Variants in MORN1 observed in about 807,000 individuals in gnomAD.
MORN1 encodes MORN repeat containing 1, also known as MORN repeat-containing protein 1.
In MORN1, 67 loss-of-function variants were observed where a neutral mutation model predicts 61.9. That is an observed-to-expected ratio of 1.08 (90% CI 0.89 to 1.33). MORN1 has a LOEUF of 1.33. MORN1 is among the 40% of genes most tolerant of loss of function. The probability of loss-of-function intolerance (pLI) is 0.00; values close to 1 mark genes in which losing one functional copy is unlikely to be tolerated. For synonymous variants in MORN1, 301 were observed against 292.0 expected (o/e 1.03, Z -0.31); for missense variants, 752 against 691.2 (o/e 1.09, Z -0.99).
intron 12 of MORN1, chr1:2,332,580 GACCT>G: frequency 2.2e-6 from 1 of 456,470 alleles, no homozygotes; most frequent in Non-Finnish European, 4.4e-6. Context: ...GGGCACGGCA[GACCT>G]CCGGCACAGG....
At chr1:2,387,591 G>C (rs1412459101) in intron 3 of MORN1, 62 bp from the exon 4 acceptor site, 1 of 1,203,048 alleles carries the variant, frequency 8.3e-7, no homozygotes, top group Non-Finnish European at 1.2e-6. Flanking sequence ...GCCCCAGTCG[G>C]CTCTCCTCTG....
At position 2,336,818 on chromosome 1, in the gene MORN1, A is replaced by G. The variant is rs143484656; in HGVS notation, c.1069T>C (p.Cys357Arg). 594 of 1,596,076 alleles carry G rather than the reference A, an allele frequency of 3.7e-4. 1 individual carries two copies. The highest frequency in any genetic ancestry group is 4.2e-4 in the Non-Finnish European group (487 of 1,172,872). The change falls in exon 11 of 14, where the codon TGT becomes CGT. Residue 357 changes from cysteine to arginine, a missense_variant. Physicochemically the swap from Cys to Arg is radical, Grantham distance 180. Transcript: ENST00000378531. ...RGHAPHCPGA[C>R]QRVEQGCAEF... ...GCACAGCCCTGCTCCACTCGCTGACAGGCCCCGGGACAATGGGGCGCATGT... is the reference window on the plus strand; with the variant it reads ...GCACAGCCCTGCTCCACTCGCTGACGGGCCCCGGGACAATGGGGCGCATGT...
rs1458223069 is a variant in MORN1 at position 2,329,241 on chromosome 1, C to T, written c.1251-5098G>A. 2.6e-5 allele frequency among the ~76,000 whole-genome samples: 4 copies of T among 152,314 alleles called. No homozygotes were observed. In the South Asian group the frequency reaches 6.2e-4, roughly 24 times the overall value. Reference sequence around the variant, plus strand: ...CCACATCCCCGCTGAGCGCTGGGCACGTCTGCAGGCCCAGCTGTTCCCGCC... The same window carrying T: ...CCACATCCCCGCTGAGCGCTGGGCATGTCTGCAGGCCCAGCTGTTCCCGCC... On this transcript the variant is annotated intron_variant, in intron 12 of 13. Coordinates refer to ENST00000378531, the MANE Select transcript of MORN1 (RefSeq NM_024848.3).
chr1:2,328,323 C>T (rs540040417), intron 12 of MORN1, among the ~76,000 whole-genome samples: 40 of 152,340 alleles, frequency 2.6e-4, no homozygotes, highest in Non-Finnish European at 5.4e-4. Flanking sequence ...GCCTGGTGTC[C>T]GGGCTCCTGG....
rs551752015 is a variant in MORN1, at chr1:2,337,253, G to A, written c.1037-403C>T. ...AACAGTACAGCTGTGTGCCCTCCTC[G>A]GAGCGCAGCATGAGGAGGAAGATGG... On this transcript the variant is annotated intron_variant, in intron 10 of 13. Transcript: ENST00000378531. The surrounding 1 kb of genome is among the most constrained non-coding windows in gnomAD (Gnocchi z 5.7). 8.9e-4 allele frequency among the ~76,000 whole-genome samples: 135 copies of A among 152,318 alleles called. No homozygotes were observed. Among genetic ancestry groups the A allele is most frequent in the African/African-American group, 3.1e-3 (130 of 41,572 alleles).
chr1:2,338,149 G>A lies in MORN1; in HGVS notation c.1037-1299C>T, dbSNP rs181785721. Among the ~76,000 whole-genome samples the A allele has an allele frequency of 1.4e-4, 22 of 152,310 alleles. 2 individuals are homozygous for A. Among genetic ancestry groups the A allele is most frequent in the South Asian group, 6.2e-4 (3 of 4,826 alleles). On this transcript the variant is annotated intron_variant, in intron 10 of 13. Coordinates refer to ENST00000378531, the MANE Select transcript of MORN1 (RefSeq NM_024848.3). Reference sequence around the variant, plus strand: ...CTGGAGGCATTAATGTCCCTTTCCCGGAGCCCAGCTTCTGTAGGGAGCGAC... The same window carrying A: ...CTGGAGGCATTAATGTCCCTTTCCCAGAGCCCAGCTTCTGTAGGGAGCGAC...
chr1:2,378,961 T>G (rs1336011895), intron 6 of MORN1: 12 of 465,688 alleles, frequency 2.6e-5, no homozygotes. Context: ...TCCGCTGTTC[T>G]TATTTTCCGT....
rs1641313475 is a variant in MORN1, at chr1:2,337,911, C to T, written c.1037-1061G>A. Among the ~76,000 whole-genome samples the T allele has an allele frequency of 6.6e-6, 1 of 152,186 alleles. No individual in the cohort carries two copies. The highest frequency in any genetic ancestry group is 2.1e-4 in the South Asian group (1 of 4,832). ...CATCAAAAAAACAGAAGAGACCCAG[C>T]TCCAGGATGGATAGAAGGGTGGAGC... On this transcript the variant is annotated intron_variant, in intron 10 of 13. Transcript: ENST00000378531. This position sits in a 1 kb window ranked among gnomAD's most constrained non-coding sequence, Gnocchi z 5.7.
At chr1:2,322,619 G>C in intron 13 of MORN1, 2 of 985,402 alleles carry the variant, frequency 2.0e-6, no homozygotes, top group Non-Finnish European at 2.4e-6. Context: ...AACCTGGCGG[G>C]TGTGGGCCAC....
chr1:2,330,105 G>A (rs1447056925), intron 12 of MORN1, among the ~76,000 whole-genome samples: 2 of 152,184 alleles, frequency 1.3e-5, no homozygotes, highest in Non-Finnish European at 2.9e-5. Flanking sequence ...TGCACCCCTC[G>A]GCTGAGCAAG....
At position 2,327,144 on chromosome 1, in the gene MORN1, AC is replaced by A. The variant is rs1641044952; in HGVS notation, c.1251-3002del. On this transcript the variant is annotated intron_variant, in intron 12 of 13. Transcript: ENST00000378531. ...CAGAAACAAACACAGAAACACAGAGACACAGAAACAGAAACACACAGACAGA... is the reference window on the plus strand; with the variant it reads ...CAGAAACAAACACAGAAACACAGAGAACAGAAACAGAAACACACAGACAGA... 5.4e-5 allele frequency among the ~76,000 whole-genome samples: 4 copies of A among 73,770 alleles called. 1 individual carries two copies. In the South Asian group the frequency reaches 2.0e-3, roughly 37 times the overall value. 48.4% of individuals were successfully genotyped at this position (73,770 alleles called of 152,430 possible). A position where few individuals can be genotyped will look rare whatever the true frequency, so the allele number is the denominator to read the frequency against.
chr1:2,348,984 A>T (rs2645072), intron 10 of MORN1, among the ~76,000 whole-genome samples: 35 of 152,088 alleles, frequency 2.3e-4, no homozygotes, highest in Non-Finnish European at 1.5e-5. Flanking sequence ...TCTTGTCCCC[A>T]CTTCTTTGTG....
chr1:2,324,513 T>G (rs938344089), intron 12 of MORN1, among the ~76,000 whole-genome samples: 1 of 152,190 alleles, frequency 6.6e-6, no homozygotes, highest in Non-Finnish European at 1.5e-5. Flanking sequence ...CCTGAGCCCC[T>G]GAGAGACGGC....
At chr1:2,321,774 ACAGT>A (rs1640886395) in intron 13 of MORN1, among the ~76,000 whole-genome samples, 195 bp from the exon 14 acceptor site, 1 of 152,090 alleles carries the variant, frequency 6.6e-6, no homozygotes, top group South Asian at 2.1e-4. Context: ...GGCTGGACAC[ACAGT>A]CAGCATAGGT....
chr1:2,324,333 C>T (rs1159414040), intron 12 of MORN1, among the ~76,000 whole-genome samples, 190 bp from the exon 13 acceptor site: 1 of 152,210 alleles, frequency 6.6e-6, no homozygotes, highest in Non-Finnish European at 1.5e-5. Context: ...ACCCAGCTCT[C>T]TGCACCTCGG....
chr1:2,361,486 A>T (rs1441975383), intron 8 of MORN1, among the ~76,000 whole-genome samples: 3 of 152,002 alleles, frequency 2.0e-5, no homozygotes, highest in Non-Finnish European at 4.4e-5. Flanking sequence ...TGAACCTGGG[A>T]GGTGGAGGTT....
At chr1:2,323,407 T>A in intron 13 of MORN1, 1 of 985,152 alleles carries the variant, frequency 1.0e-6, no homozygotes, top group Non-Finnish European at 1.2e-6. Flanking sequence ...AGACGAAGGG[T>A]CATTCATGTT....
intron 12 of MORN1, among the ~76,000 whole-genome samples, chr1:2,325,135 C>T: frequency 2.7e-5 from 1 of 36,754 alleles, no homozygotes; most frequent in Non-Finnish European, 5.3e-5. Flanking sequence ...TCCTTCCTTC[C>T]CTCCCTCCCT....
chr1:2,362,059 C>G (rs1017380069), intron 8 of MORN1, among the ~76,000 whole-genome samples: 1 of 151,836 alleles, frequency 6.6e-6, no homozygotes, highest in Non-Finnish European at 1.5e-5. Context: ...TGGTGAAACC[C>G]CGTCTCTACT....
Sources: gnomAD v4.1 joint callset for allele counts (sites outside exome capture counted in the v4.1 genomes callset) on GRCh38, gnomAD v4.1.1 for gene constraint, Gnocchi (gnomAD v3.1) non-coding constraint, MANE v1.5 for transcripts, NCBI Gene and HGNC (gene_info 2026-07-23, HGNC 2026-07-21) for gene names.